The following SAMD8 variants were observed in gnomAD, a reference collection of about 807,000 sequenced individuals.
SAMD8 encodes sterile alpha motif domain containing 8, also known as sphingomyelin synthase-related protein 1.
In SAMD8, 20 loss-of-function variants were observed where a neutral mutation model predicts 42.0. That is an observed-to-expected ratio of 0.48 (90% CI 0.34 to 0.69). SAMD8 has a LOEUF of 0.69. Among genes scored for constraint, SAMD8 ranks in the 30% least tolerant of loss-of-function variants. The pLI is 0.01. For synonymous variants in SAMD8, 162 were observed against 173.0 expected, an observed-to-expected ratio of 0.94 and a Z score of 0.50; for missense variants, 328 against 511.6, an observed-to-expected ratio of 0.64 and a Z score of 3.46.
chr10:75,118,024 T>C (rs1230692253), intron 1 of SAMD8, among the ~76,000 whole-genome samples: 1 of 152,218 alleles, frequency 6.6e-6, no homozygotes, highest in African/African-American at 2.4e-5. Flanking sequence ...GTTTAAAGGC[T>C]ATTTGGAACC....
intron 1 of SAMD8, among the ~76,000 whole-genome samples, chr10:75,104,817 G>T (rs1424040100): frequency 6.6e-6 from 1 of 152,030 alleles, no homozygotes; most frequent in Admixed American, 6.6e-5. Context: ...CAGGGGAAGG[G>T]GTCGATGCTG....
At chr10:75,124,702 A>G (rs186186972) in intron 1 of SAMD8, among the ~76,000 whole-genome samples, 2 of 151,332 alleles carry the variant, frequency 1.3e-5, no homozygotes, top group African/African-American at 2.4e-5. Flanking sequence ...CTGTTCCTCT[A>G]CTTTTTAGAA....
intron 1 of SAMD8, among the ~76,000 whole-genome samples, chr10:75,129,566 C>T (rs1355326748): frequency 1.3e-5 from 2 of 152,094 alleles, no homozygotes; most frequent in Admixed American, 6.6e-5. Context: ...AAATGATTAG[C>T]TAGTTTCATT....
At chr10:75,138,915 G>A (rs944262482) in intron 1 of SAMD8, among the ~76,000 whole-genome samples, 8 of 151,392 alleles carry the variant, frequency 5.3e-5, no homozygotes, top group African/African-American at 1.9e-4. Flanking sequence ...TGTTCTCTCA[G>A]CACCTTGATA....
chr10:75,123,309 A>T (rs1349443047), intron 1 of SAMD8, among the ~76,000 whole-genome samples: 1 of 152,076 alleles, frequency 6.6e-6, no homozygotes, highest in Non-Finnish European at 1.5e-5. Context: ...AGTCTCCAGC[A>T]GGCTTCCTCT....
intron 3 of SAMD8, among the ~76,000 whole-genome samples, chr10:75,167,236 A>G (rs747922470): frequency 1.3e-5 from 2 of 152,168 alleles, no homozygotes; most frequent in Non-Finnish European, 1.5e-5. Context: ...GATAGCTACT[A>G]TCATTAACTA....
intron 1 of SAMD8, among the ~76,000 whole-genome samples, chr10:75,128,073 A>ATTTT (rs11353511): frequency 5.0e-5 from 6 of 119,256 alleles, no homozygotes; most frequent in Non-Finnish European, 1.0e-4. Flanking sequence ...TTCTTCTTTA[A>ATTTT]TTTTTTTTTT....
At chr10:75,133,877 A>G (rs991821155) in intron 1 of SAMD8, among the ~76,000 whole-genome samples, 1 of 152,170 alleles carries the variant, frequency 6.6e-6, no homozygotes, top group African/African-American at 2.4e-5. Flanking sequence ...AGCTCCATCC[A>G]TGTCCCTGCA....
At chr10:75,140,036 TGAAAA>T (rs1321041952) in intron 1 of SAMD8, among the ~76,000 whole-genome samples, 1 of 152,240 alleles carries the variant, frequency 6.6e-6, no homozygotes, top group Non-Finnish European at 1.5e-5. Flanking sequence ...CATCATTTAA[TGAAAA>T]GACTGTGTTT....
chr10:75,158,750 C>G (rs1840480184), intron 2 of SAMD8, among the ~76,000 whole-genome samples: 1 of 152,174 alleles, frequency 6.6e-6, no homozygotes, highest in Non-Finnish European at 1.5e-5. Flanking sequence ...CAGACCCTAG[C>G]AACCACTAAT....
chr10:75,104,161 G>A, intron 1 of SAMD8: 1 of 1,205,370 alleles, frequency 8.3e-7, no homozygotes, highest in Non-Finnish European at 1.1e-6. Flanking sequence ...GCTGGGACTT[G>A]TTGGGGCAGG....
At chr10:75,124,876 G>A (rs561394177) in intron 1 of SAMD8, among the ~76,000 whole-genome samples, 15 of 151,492 alleles carry the variant, frequency 9.9e-5, no homozygotes, top group African/African-American at 3.2e-4. Flanking sequence ...GCACAGTCAT[G>A]GCTCAGCTTC....
chr10:75,100,490 C>T (rs1052479593), intron 1 of SAMD8, among the ~76,000 whole-genome samples: 6 of 152,268 alleles, frequency 3.9e-5, no homozygotes, highest in Admixed American at 3.3e-4. Context: ...GTGGCAGCTC[C>T]GCCGGTTTCT....
chr10:75,114,356 C>A, intron 1 of SAMD8, among the ~76,000 whole-genome samples: 1 of 150,866 alleles, frequency 6.6e-6, no homozygotes, highest in East Asian at 2.0e-4. Context: ...AAATCGGTTT[C>A]TCTAAGGCAG....
At chr10:75,163,829 C>T (rs1840614660) in intron 2 of SAMD8, among the ~76,000 whole-genome samples, 1 of 151,984 alleles carries the variant, frequency 6.6e-6, no homozygotes, top group Non-Finnish European at 1.5e-5. Flanking sequence ...ATCATAGGAG[C>T]TGTTTGGTGG....
chr10:75,159,539 T>C (rs976719192), intron 2 of SAMD8, among the ~76,000 whole-genome samples: 1 of 152,206 alleles, frequency 6.6e-6, no homozygotes, highest in Non-Finnish European at 1.5e-5. Context: ...TTCCATTTTC[T>C]TGCACATGGA....
intron 2 of SAMD8, among the ~76,000 whole-genome samples, chr10:75,152,677 G>A (rs1323705427): frequency 6.6e-6 from 1 of 151,966 alleles, no homozygotes; most frequent in African/African-American, 2.4e-5. Flanking sequence ...TTCAAGACTT[G>A]CAACATAGCA....
At chr10:75,101,883 C>G in intron 1 of SAMD8, 1 of 1,367,042 alleles carries the variant, frequency 7.3e-7, no homozygotes, top group Non-Finnish European at 9.8e-7. Flanking sequence ...GAGTATCTGG[C>G]CCAGGCTGTG....
At chr10:75,103,656 A>G (rs1020226884) in intron 1 of SAMD8, among the ~76,000 whole-genome samples, 5 of 152,210 alleles carry the variant, frequency 3.3e-5, no homozygotes, top group African/African-American at 1.2e-4. Context: ...GGGCACACCC[A>G]TGCCTGCAGC....
Sources: gnomAD v4.1 joint callset for allele counts (sites outside exome capture counted in the v4.1 genomes callset) on GRCh38, gnomAD v4.1.1 for gene constraint, MANE v1.5 for transcripts, NCBI Gene and HGNC (gene_info 2026-07-23, HGNC 2026-07-21) for gene names.